CLNK: variants seen among roughly 807,000 people sequenced by gnomAD.
CLNK encodes the protein cytokine dependent hematopoietic cell linker.
In CLNK, 74 loss-of-function variants were observed where a neutral mutation model predicts 68.6. The ratio of observed to expected loss-of-function variants is 1.08; its 90% CI spans 0.89 to 1.31. The LOEUF is 1.31. Among genes scored for constraint, CLNK ranks in the 50% most tolerant of loss-of-function variants. The probability of loss-of-function intolerance (pLI) is 0.00; values close to 1 mark genes in which losing one functional copy is unlikely to be tolerated. For synonymous variants in CLNK, 198 were observed against 172.2 expected (o/e 1.15, Z -1.17); for missense variants, 553 against 515.3 (o/e 1.07, Z -0.71).
intron 11 of CLNK, 79 bp from the exon 12 acceptor site, chr4:10,532,362 C>T: frequency 8.5e-7 from 1 of 1,174,824 alleles, no homozygotes; most frequent in Non-Finnish European, 1.2e-6. Flanking sequence ...GCCTTACAAA[C>T]CTTTCATTAC....
chr4:10,608,258 C>G (rs1048908856), intron 2 of CLNK, among the ~76,000 whole-genome samples: 3 of 152,234 alleles, frequency 2.0e-5, no homozygotes, highest in Non-Finnish European at 4.4e-5. Flanking sequence ...ACAGTCCACG[C>G]AAACTGAACT....
intron 17 of CLNK, among the ~76,000 whole-genome samples, chr4:10,505,900 A>G (rs1021484698): frequency 6.6e-6 from 1 of 152,184 alleles, no homozygotes; most frequent in African/African-American, 2.4e-5. Flanking sequence ...AGCAACTTAT[A>G]CATATAATTT....
intron 15 of CLNK, among the ~76,000 whole-genome samples, chr4:10,515,985 T>A (rs902436314): frequency 5.3e-5 from 8 of 152,194 alleles, no homozygotes; most frequent in African/African-American, 1.9e-4. Flanking sequence ...TGTCAAATGT[T>A]AATGTGGTAT....
chr4:10,566,115 T>C lies in CLNK; in HGVS notation c.186A>G (p.Lys62=). The part of the protein sequence containing the change: ...RNFAAVLDGA[K]GHSDDDYDDP... ...CATCATAGTCATCATCACTGTGGCC[T>C]TTTGCTCCATCCAGGACTGCAGCAA... Residue 62 remains lysine, a synonymous_variant, in exon 6 of 19, where the codon AAA becomes AAG. Coordinates refer to ENST00000226951, the MANE Select transcript of CLNK (RefSeq NM_052964.4). 6.2e-7 allele frequency: 1 copy of C among 1,613,772 alleles called. No homozygotes were observed. The highest frequency in any genetic ancestry group is 8.5e-7 in the Non-Finnish European group (1 of 1,179,762).
Position 10,542,390 on chromosome 4 carries a change from C to A in CLNK, c.446-110G>T, listed in dbSNP as rs533977591. The A allele has an allele frequency of 1.2e-4, 92 of 741,256 alleles. No individual in the cohort carries two copies. The African/African-American group carries it at 1.6e-3, about 13-fold the overall frequency. The allele number at this position is 741,256 out of a possible 1,614,324, so 45.9% of individuals were successfully genotyped here. A position where few individuals can be genotyped will look rare whatever the true frequency, so the allele number is the denominator to read the frequency against. On this transcript the variant is annotated intron_variant, in intron 8 of 18. Transcript: ENST00000226951. ...TTATTTGTAATAATATTGGTGATAA[C>A]GTCAGTTAATATTTGCTGAGATCAT...
At chr4:10,524,087 AGAGGAGGAGGAG>A (rs59952822) in intron 14 of CLNK, 17 of 153,902 alleles carry the variant, frequency 1.1e-4, no homozygotes, top group Middle Eastern at 4.9e-3. Flanking sequence ...AGAAAAGAGA[AGAGGAGGAGGAG>A]GAGGAGGAGG....
chr4:10,572,376 C>T (rs1009051708), intron 4 of CLNK, among the ~76,000 whole-genome samples: 2 of 152,210 alleles, frequency 1.3e-5, no homozygotes, highest in African/African-American at 4.8e-5. Context: ...GCACTCAACA[C>T]TCTTATTTGG....
intron 18 of CLNK, among the ~76,000 whole-genome samples, chr4:10,494,748 C>T (rs190232045): frequency 3.9e-5 from 6 of 152,270 alleles, no homozygotes; most frequent in African/African-American, 1.4e-4. Flanking sequence ...CGTGAGCCCC[C>T]GCGCCCAGCC....
chr4:10,533,234 G>A (rs1188866882), intron 11 of CLNK, among the ~76,000 whole-genome samples: 1 of 152,232 alleles, frequency 6.6e-6, no homozygotes, highest in Admixed American at 6.5e-5. Context: ...ACTCCAGCCT[G>A]GGTGACAGAG....
chr4:10,525,795 C>G, intron 14 of CLNK, 46 bp downstream of exon 14: 1 of 1,151,654 alleles, frequency 8.7e-7, no homozygotes, highest in Non-Finnish European at 1.3e-6. Flanking sequence ...AGCACATGGC[C>G]TGACCCCTCA....
chr4:10,519,730 G>C (rs114445737), intron 15 of CLNK, among the ~76,000 whole-genome samples: 1 of 152,116 alleles, frequency 6.6e-6, no homozygotes. Context: ...GCCTACTGAG[G>C]CCATTTGGGT....
intron 8 of CLNK, among the ~76,000 whole-genome samples, chr4:10,553,934 G>A (rs1719563665): frequency 6.6e-6 from 1 of 152,226 alleles, no homozygotes; most frequent in African/African-American, 2.4e-5. Context: ...CTGCTTAAAG[G>A]TAGGGTGTGC....
chr4:10,671,797 A>T (rs912327813), intron 1 of CLNK, among the ~76,000 whole-genome samples: 5 of 152,228 alleles, frequency 3.3e-5, no homozygotes, highest in Non-Finnish European at 7.3e-5. Flanking sequence ...TTTTAGTTAT[A>T]AAGGAAATAA....
chr4:10,530,226 CA>C (rs1718481813), intron 12 of CLNK, among the ~76,000 whole-genome samples: 1 of 152,126 alleles, frequency 6.6e-6, no homozygotes, highest in Non-Finnish European at 1.5e-5. Flanking sequence ...CCAAGTTTGC[CA>C]CCTCTCCGGG....
intron 2 of CLNK, among the ~76,000 whole-genome samples, chr4:10,640,508 G>GTC (rs1282190847): frequency 5.9e-5 from 9 of 152,264 alleles, no homozygotes; most frequent in Non-Finnish European, 1.0e-4. Flanking sequence ...ATCTCTCTGT[G>GTC]TCACACACAC....
chr4:10,512,376 A>G (rs1040746673), intron 16 of CLNK, among the ~76,000 whole-genome samples: 1 of 152,030 alleles, frequency 6.6e-6, no homozygotes, highest in Admixed American at 6.6e-5. Flanking sequence ...GATTACAGGC[A>G]TGTGCCACCA....
At chr4:10,522,633 C>T (rs991483097) in intron 14 of CLNK, among the ~76,000 whole-genome samples, 10 of 149,092 alleles carry the variant, frequency 6.7e-5, no homozygotes, top group African/African-American at 9.9e-5. Flanking sequence ...GTTTAACAAA[C>T]GTGTTGAACA....
At chr4:10,639,371 A>G (rs967486302) in intron 2 of CLNK, among the ~76,000 whole-genome samples, 3 of 152,218 alleles carry the variant, frequency 2.0e-5, no homozygotes, top group Non-Finnish European at 4.4e-5. Context: ...TTCTCTGCTC[A>G]GGCAATGATC....
At chr4:10,617,324 A>G (rs1722276875) in intron 2 of CLNK, among the ~76,000 whole-genome samples, 1 of 152,202 alleles carries the variant, frequency 6.6e-6, no homozygotes, top group South Asian at 2.1e-4. Flanking sequence ...TGGAGATATA[A>G]AACTGGAGAT....
Sources: allele counts gnomAD v4.1 joint callset (sites outside exome capture counted in the v4.1 genomes callset), GRCh38; gene constraint gnomAD v4.1.1; transcripts MANE v1.5; gene names NCBI Gene and HGNC (gene_info 2026-07-23, HGNC 2026-07-21).